The following SUCLG2 variants were observed in gnomAD, a reference collection of about 807,000 sequenced individuals.
The protein encoded by SUCLG2 is succinate--CoA ligase [GDP-forming] subunit beta, mitochondrial.
A neutral mutation model predicts 47.9 loss-of-function variants in SUCLG2; 42 were observed. The ratio of observed to expected loss-of-function variants is 0.88; its 90% CI spans 0.69 to 1.14. The LOEUF (loss-of-function observed/expected upper bound fraction) is 1.14. SUCLG2 is among the 50% of genes most tolerant of loss of function. The probability of loss-of-function intolerance (pLI) is 0.00; values close to 1 mark genes in which losing one functional copy is unlikely to be tolerated. For synonymous variants in SUCLG2, 195 were observed against 197.3 expected (o/e 0.99, Z 0.10); for missense variants, 571 against 525.9 (o/e 1.09, Z -0.84).
chr3:67,475,271 C>T (rs962999403), intron 9 of SUCLG2, among the ~76,000 whole-genome samples: 3 of 152,256 alleles, frequency 2.0e-5, no homozygotes, highest in Admixed American at 6.5e-5. Flanking sequence ...TGAAACAAGA[C>T]ATTAAGGGCT....
chr3:67,644,578 T>C (rs761104608), intron 1 of SUCLG2, among the ~76,000 whole-genome samples: 4 of 152,036 alleles, frequency 2.6e-5, no homozygotes, highest in African/African-American at 4.8e-5. Context: ...TGCATAACAA[T>C]ATGAATATAT....
At chr3:67,436,366 G>C (rs986558483) in intron 9 of SUCLG2, among the ~76,000 whole-genome samples, 2 of 152,172 alleles carry the variant, frequency 1.3e-5, no homozygotes, top group Non-Finnish European at 2.9e-5. Context: ...AGCCCACAAG[G>C]AGATGGGCTC....
chr3:67,478,458 C>T (rs1273131982), intron 9 of SUCLG2, among the ~76,000 whole-genome samples: 1 of 152,144 alleles, frequency 6.6e-6, no homozygotes, highest in Admixed American at 6.6e-5. Flanking sequence ...ATATAATGAC[C>T]CTTTCGGTTG....
At chr3:67,428,748 G>T (rs529146755) in intron 9 of SUCLG2, among the ~76,000 whole-genome samples, 1 of 152,228 alleles carries the variant, frequency 6.6e-6, no homozygotes, top group South Asian at 2.1e-4. Context: ...GCATAGAGAA[G>T]ACCTTAAATG....
At chr3:67,422,472 TCA>T (rs1491396392) in intron 9 of SUCLG2, among the ~76,000 whole-genome samples, 17 of 12,342 alleles carry the variant, frequency 1.4e-3, no homozygotes, top group African/African-American at 5.9e-3. Context: ...AGACTCCATC[TCA>T]AAAAAAAAAA....
chr3:67,387,966 A>C (rs1290905639), intron 10 of SUCLG2, among the ~76,000 whole-genome samples: 4 of 151,976 alleles, frequency 2.6e-5, no homozygotes, highest in African/African-American at 9.7e-5. Context: ...TGGCTGGGAA[A>C]ATAAAATGGA....
At chr3:67,640,940 G>C (rs992426948) in intron 1 of SUCLG2, among the ~76,000 whole-genome samples, 1 of 152,172 alleles carries the variant, frequency 6.6e-6, no homozygotes, top group African/African-American at 2.4e-5. Flanking sequence ...TAAAATGTTA[G>C]TGTTTTTGTT....
chr3:67,626,762 A>C (rs1249375258), intron 1 of SUCLG2, among the ~76,000 whole-genome samples: 1 of 151,962 alleles, frequency 6.6e-6, no homozygotes, highest in Non-Finnish European at 1.5e-5. Flanking sequence ...AAAATACAAA[A>C]AATTAGCTGG....
intron 9 of SUCLG2, among the ~76,000 whole-genome samples, chr3:67,442,012 CT>C (rs540149754): frequency 2.5e-3 from 346 of 139,956 alleles, no homozygotes; most frequent in Middle Eastern, 3.8e-3. Context: ...TACTTTCTTT[CT>C]TTTTTTTTTT....
At chr3:67,419,314 T>C (rs1384484463) in intron 9 of SUCLG2, among the ~76,000 whole-genome samples, 1 of 152,228 alleles carries the variant, frequency 6.6e-6, no homozygotes, top group African/African-American at 2.4e-5. Flanking sequence ...TCTCTCCTGA[T>C]ATAGATTTTC....
intron 9 of SUCLG2, among the ~76,000 whole-genome samples, chr3:67,408,235 A>C (rs1702860181): frequency 6.6e-6 from 1 of 152,208 alleles, no homozygotes; most frequent in Non-Finnish European, 1.5e-5. Context: ...GATCCTTGGA[A>C]TAAAGCAACT....
At chr3:67,427,654 G>A (rs2106875170) in intron 9 of SUCLG2, among the ~76,000 whole-genome samples, 1 of 152,306 alleles carries the variant, frequency 6.6e-6, no homozygotes, top group Admixed American at 6.5e-5. Context: ...ACGAGCCGAA[G>A]CAGGGCAGGG....
intron 10 of SUCLG2, among the ~76,000 whole-genome samples, chr3:67,365,235 T>G (rs1432945706): frequency 6.6e-6 from 1 of 152,138 alleles, no homozygotes. Flanking sequence ...GCTGGAAACT[T>G]GAAGATATAA....
chr3:67,615,578 G>A (rs1279271992), intron 1 of SUCLG2, among the ~76,000 whole-genome samples: 2 of 150,616 alleles, frequency 1.3e-5, no homozygotes, highest in Non-Finnish European at 2.9e-5. Flanking sequence ...AAGCCATTTT[G>A]CCAAAAGGAA....
At chr3:67,362,498 A>C (rs1701818925) in intron 10 of SUCLG2, among the ~76,000 whole-genome samples, 1 of 152,156 alleles carries the variant, frequency 6.6e-6, no homozygotes, top group South Asian at 2.1e-4. Flanking sequence ...GTCTCTGTTA[A>C]TGAATGATAA....
At chr3:67,556,407 C>G (rs987533649) in intron 2 of SUCLG2, among the ~76,000 whole-genome samples, 4 of 152,184 alleles carry the variant, frequency 2.6e-5, no homozygotes, top group Non-Finnish European at 5.9e-5. Context: ...TTGTAGCTTC[C>G]TCTCAAATGC....
At chr3:67,560,550 A>C (rs1256782244) in intron 2 of SUCLG2, among the ~76,000 whole-genome samples, 1 of 152,202 alleles carries the variant, frequency 6.6e-6, no homozygotes, top group Non-Finnish European at 1.5e-5. Flanking sequence ...AGGTAAGTAA[A>C]GCCTCCTCAC....
intron 1 of SUCLG2, among the ~76,000 whole-genome samples, chr3:67,628,147 A>G (rs550263151): frequency 6.6e-6 from 1 of 152,332 alleles, no homozygotes; most frequent in Non-Finnish European, 1.5e-5. Context: ...ATATAAATAC[A>G]TAGAAATTTA....
intron 7 of SUCLG2, among the ~76,000 whole-genome samples, chr3:67,505,171 G>C (rs994786223): frequency 1.2e-4 from 18 of 152,136 alleles, no homozygotes; most frequent in African/African-American, 4.3e-4. Context: ...TGCTGAGGGA[G>C]AGTTATGGAG....
Sources: gnomAD v4.1 joint callset for allele counts (sites outside exome capture counted in the v4.1 genomes callset) on GRCh38, gnomAD v4.1.1 for gene constraint, MANE v1.5 for transcripts, NCBI Gene and HGNC (gene_info 2026-07-23, HGNC 2026-07-21) for gene names.